Variants in CHODL observed in about 807,000 individuals in gnomAD.
The protein encoded by CHODL is transmembrane protein MT75.
Under a neutral mutation model 34.5 loss-of-function variants are expected in CHODL, and 29 were observed. The ratio of observed to expected loss-of-function variants is 0.84; its 90% confidence interval spans 0.63 to 1.15. The LOEUF (loss-of-function observed/expected upper bound fraction) is 1.15. Ranked by LOEUF, CHODL falls within the 50% of genes most tolerant of loss-of-function variation. The probability of loss-of-function intolerance (pLI) is 0.00; values close to 1 mark genes in which losing one functional copy is unlikely to be tolerated. For synonymous variants in CHODL, 125 were observed against 116.1 expected (o/e 1.08, Z -0.49); for missense variants, 332 against 332.5 (o/e 1.00, Z 0.01).
intron 1 of CHODL, 50 bp downstream of exon 1, chr21:18,245,352 G>T: frequency 2.1e-6 from 3 of 1,415,474 alleles, no homozygotes; most frequent in South Asian, 1.4e-5. Context: ...AGGGGACCAC[G>T]GGGCGCGGCG....
At chr21:18,095,518 G>A (rs1399747040) in intron 2 of CHODL, among the ~76,000 whole-genome samples, 1 of 152,124 alleles carries the variant, frequency 6.6e-6, no homozygotes, top group Admixed American at 6.6e-5. Context: ...ATATTAAAAT[G>A]TCTTTCAGTA....
At chr21:18,075,675 A>G (rs982027217) in intron 2 of CHODL, among the ~76,000 whole-genome samples, 4 of 152,178 alleles carry the variant, frequency 2.6e-5, no homozygotes, top group Admixed American at 6.5e-5. Context: ...GCTCATTTCC[A>G]TCATCTGCCT....
chr21:18,162,411 T>TTCTCTC (rs58978469), intron 2 of CHODL, among the ~76,000 whole-genome samples: 35,950 of 147,584 alleles, frequency 0.24, 4,355 homozygotes, highest in African/African-American at 0.3. Flanking sequence ...ACGTGGTGTT[T>TTCTCTC]TCTCTCTCTC....
At chr21:18,122,956 TTGGA>T (rs1452887814) in intron 2 of CHODL, among the ~76,000 whole-genome samples, 10 of 152,246 alleles carry the variant, frequency 6.6e-5, no homozygotes, top group African/African-American at 2.4e-4. Flanking sequence ...ACAATTCTAT[TTGGA>T]TGGTTATTTT....
At chr21:18,067,952 CTTAATT>C (rs2064750929) in intron 2 of CHODL, among the ~76,000 whole-genome samples, 1 of 152,120 alleles carries the variant, frequency 6.6e-6, no homozygotes, top group Admixed American at 6.6e-5. Flanking sequence ...TCAGCATTTA[CTTAATT>C]TTAATTGTTG....
chr21:18,158,640 C>A (rs1387639821), intron 2 of CHODL, among the ~76,000 whole-genome samples: 2 of 152,040 alleles, frequency 1.3e-5, no homozygotes, highest in Admixed American at 1.3e-4. Context: ...GAGTTCAAGA[C>A]CAGACTGGCC....
chr21:18,126,693 C>CCA (rs2065549315), intron 2 of CHODL, among the ~76,000 whole-genome samples: 1 of 151,802 alleles, frequency 6.6e-6, no homozygotes, highest in Admixed American at 6.6e-5. Context: ...GCAGAAAACT[C>CCA]CAATTAGTTA....
chr21:18,136,341 T>G (rs1234878631), intron 2 of CHODL, among the ~76,000 whole-genome samples: 7 of 152,096 alleles, frequency 4.6e-5, no homozygotes, highest in African/African-American at 1.7e-4. Context: ...CTGGGCAGTC[T>G]CATGTTTTTC....
chr21:17,972,879 G>A (rs561433983), intron 1 of CHODL, among the ~76,000 whole-genome samples: 1 of 151,950 alleles, frequency 6.6e-6, no homozygotes, highest in Non-Finnish European at 1.5e-5. Context: ...ATCATACTAC[G>A]TGACTTCAAC....
chr21:18,025,652 G>A (rs1397186326), intron 1 of CHODL, among the ~76,000 whole-genome samples: 3 of 151,622 alleles, frequency 2.0e-5, no homozygotes, highest in Admixed American at 6.6e-5. Flanking sequence ...TAGGGCTGCC[G>A]TAACAAAATA....
intron 2 of CHODL, among the ~76,000 whole-genome samples, chr21:18,156,771 C>A (rs112566228): frequency 7.4e-4 from 113 of 152,272 alleles, no homozygotes; most frequent in African/African-American, 2.0e-3. Flanking sequence ...TTCTGTGGGT[C>A]AGGAGTTTCT....
At chr21:17,954,254 A>G (rs767635865) in intron 1 of CHODL, among the ~76,000 whole-genome samples, 52 of 152,224 alleles carry the variant, frequency 3.4e-4, no homozygotes, top group Non-Finnish European at 6.2e-4. Context: ...AGAAAACTTC[A>G]AAATACACGA....
At chr21:17,945,375 C>T (rs1231057979) in intron 1 of CHODL, among the ~76,000 whole-genome samples, 1 of 151,576 alleles carries the variant, frequency 6.6e-6, no homozygotes, top group Non-Finnish European at 1.5e-5. Context: ...AAATAATACC[C>T]AAAAAGTGAG....
At chr21:18,228,354 T>C (rs747203604) in intron 2 of CHODL, among the ~76,000 whole-genome samples, 21 of 152,120 alleles carry the variant, frequency 1.4e-4, no homozygotes, top group Non-Finnish European at 2.9e-4. Flanking sequence ...TTCTCTGTCA[T>C]GTTTTTTTTC....
At chr21:18,028,231 T>TC (rs2064199364) in intron 2 of CHODL, among the ~76,000 whole-genome samples, 3 of 14,804 alleles carry the variant, frequency 2.0e-4, no homozygotes, top group South Asian at 3.9e-3. Context: ...TCCCCTCCCC[T>TC]CCCCTTCCCC....
At chr21:18,238,623 G>A (rs1426328916) in intron 2 of CHODL, among the ~76,000 whole-genome samples, 2 of 152,044 alleles carry the variant, frequency 1.3e-5, no homozygotes, top group African/African-American at 4.8e-5. Flanking sequence ...GGTTGCTGTG[G>A]ATGGGTGGTG....
intron 1 of CHODL, chr21:18,022,390 A>G (rs1320300429): frequency 6.6e-6 from 1 of 152,208 alleles, no homozygotes; most frequent in East Asian, 1.9e-4. Flanking sequence ...GATATAGGAC[A>G]CACTTGGATA....
chr21:17,999,681 A>G (rs1011816845), intron 1 of CHODL, among the ~76,000 whole-genome samples: 2 of 152,216 alleles, frequency 1.3e-5, no homozygotes, highest in African/African-American at 2.4e-5. Context: ...CTTATTCACT[A>G]TCACGAGAAT....
intron 2 of CHODL, among the ~76,000 whole-genome samples, chr21:18,116,165 C>T (rs907509256): frequency 2.6e-5 from 4 of 152,150 alleles, no homozygotes; most frequent in Non-Finnish European, 4.4e-5. Flanking sequence ...CTAATCTTCT[C>T]ATGGCTTCAG....
Sources: allele counts gnomAD v4.1 joint callset (sites outside exome capture counted in the v4.1 genomes callset), GRCh38; gene constraint gnomAD v4.1.1; transcripts MANE v1.5; gene names NCBI Gene and HGNC (gene_info 2026-07-23, HGNC 2026-07-21).